MCF2L2: variants seen among roughly 807,000 people sequenced by gnomAD.
The protein encoded by MCF2L2 is MCF.2 cell line derived transforming sequence-like 2.
A neutral mutation model predicts 150.2 loss-of-function variants in MCF2L2; 102 were observed. The observed-to-expected ratio is 0.68, with a 90% CI of 0.58 to 0.80. The LOEUF (loss-of-function observed/expected upper bound fraction) is 0.80, where lower values mean the gene tolerates loss of function less well. Among genes scored for constraint, MCF2L2 ranks in the 30% least tolerant of loss-of-function variants. The pLI is 0.00. For synonymous variants in MCF2L2, 465 were observed against 491.3 expected (o/e 0.95, Z 0.71); for missense variants, 1,256 against 1,372.8 (o/e 0.91, Z 1.34).
chr3:183,278,193 A>AAAAT (rs1039066694), intron 14 of MCF2L2, among the ~76,000 whole-genome samples: 1 of 140,390 alleles, frequency 7.1e-6, no homozygotes, highest in African/African-American at 3.0e-5. Flanking sequence ...CAAAAGAAAA[A>AAAAT]ATATATATAT....
rs535849850 is a variant in MCF2L2, at chr3:183,324,595, C to T, written c.487-1244G>A. Among the ~76,000 whole-genome samples, 14 of 152,120 alleles carry T rather than the reference C, an allele frequency of 9.2e-5. No individual in the cohort carries two copies. The East Asian group carries it at 2.3e-3, about 25-fold the overall frequency. ...ATATAAATTAGAGACCAGCCAGGTA[C>T]GGTGGTTTGCACCTGTAATCCCAGC... On this transcript the variant is annotated intron_variant, in intron 5 of 29. Transcript: ENST00000328913.
intron 3 of MCF2L2, chr3:183,375,351 A>T (rs1713133493): frequency 6.6e-6 from 1 of 152,156 alleles, no homozygotes; most frequent in African/African-American, 2.4e-5. Context: ...TCTTTCCCAC[A>T]TAAGATCCAA....
intron 2 of MCF2L2, among the ~76,000 whole-genome samples, chr3:183,380,180 T>G (rs1713434042): frequency 6.6e-6 from 1 of 152,134 alleles, no homozygotes; most frequent in African/African-American, 2.4e-5. Flanking sequence ...CCAAATTCAA[T>G]AGATTCTATT....
At chr3:183,293,059 C>T (rs1212870489) in intron 13 of MCF2L2, among the ~76,000 whole-genome samples, 1 of 152,124 alleles carries the variant, frequency 6.6e-6, no homozygotes, top group East Asian at 1.9e-4. Context: ...ACTCCAATTA[C>T]AAGGCAGAGG....
intron 15 of MCF2L2, among the ~76,000 whole-genome samples, chr3:183,240,058 A>G (rs1266985001): frequency 6.6e-6 from 1 of 152,084 alleles, no homozygotes; most frequent in Non-Finnish European, 1.5e-5. Flanking sequence ...CAGGCTCCTT[A>G]TATCATCTCT....
chr3:183,356,069 G>C (rs1711757409), intron 3 of MCF2L2, among the ~76,000 whole-genome samples: 1 of 151,740 alleles, frequency 6.6e-6, no homozygotes, highest in Non-Finnish European at 1.5e-5. Flanking sequence ...TTGAAGCTAA[G>C]GAGGAGGAAG....
chr3:183,391,769 A>G (rs1183674967), intron 1 of MCF2L2, among the ~76,000 whole-genome samples: 1 of 152,250 alleles, frequency 6.6e-6, no homozygotes, highest in African/African-American at 2.4e-5. Context: ...AGAGAATTTC[A>G]GCAGAAACGG....
intron 5 of MCF2L2, among the ~76,000 whole-genome samples, chr3:183,335,274 G>A (rs1055652823): frequency 1.3e-5 from 2 of 151,994 alleles, no homozygotes. Flanking sequence ...TAAATATATT[G>A]TGTATGGATC....
chr3:183,267,081 C>T lies in MCF2L2; in HGVS notation c.1862+9791G>A, dbSNP rs182623029. On this transcript the variant is annotated intron_variant, in intron 15 of 29. Coordinates refer to ENST00000328913, the MANE Select transcript of MCF2L2 (RefSeq NM_015078.4). This position sits in a 1 kb window ranked among gnomAD's most constrained non-coding sequence, Gnocchi z 5.5. ...GATTACAGGCGTGAGCCACCATGGC[C>T]GGCCTTCAGCCTTTGTGATATTAAA... 3.4e-3 allele frequency among the ~76,000 whole-genome samples: 512 copies of T among 152,282 alleles called. 5 individuals carry two copies. Among genetic ancestry groups the T allele is most frequent in the African/African-American group, 0.011 (464 of 41,556 alleles).
chr3:183,244,824 C>G (rs975207583), intron 15 of MCF2L2, among the ~76,000 whole-genome samples: 2 of 151,918 alleles, frequency 1.3e-5, no homozygotes, highest in South Asian at 2.1e-4. Context: ...TTTTGCAAAG[C>G]AAGTACTGTT....
chr3:183,194,480 G>C (rs9815187), intron 26 of MCF2L2, among the ~76,000 whole-genome samples: 11,925 of 152,254 alleles, frequency 0.078, 1,557 homozygotes, highest in African/African-American at 0.27. Flanking sequence ...GAACTCAGCA[G>C]CCAGAGGGGA....
intron 3 of MCF2L2, among the ~76,000 whole-genome samples, chr3:183,343,370 GAT>G (rs1730774704): frequency 7.0e-6 from 1 of 143,104 alleles, no homozygotes; most frequent in Non-Finnish European, 1.5e-5. Context: ...ATGATAACTT[GAT>G]TTTTTTTTTT....
intron 15 of MCF2L2, among the ~76,000 whole-genome samples, chr3:183,234,909 C>T (rs1164100178): frequency 2.8e-5 from 3 of 107,968 alleles, no homozygotes; most frequent in African/African-American, 1.2e-4. Context: ...CATGTGATCT[C>T]ATTGTTCAAT....
intron 3 of MCF2L2, 135 bp from the exon 4 acceptor site, chr3:183,341,765 A>T: frequency 3.3e-6 from 2 of 614,124 alleles, no homozygotes. Context: ...AGCACAACCA[A>T]CTCCCTCTCC....
At chr3:183,353,427 C>T (rs995247950) in intron 3 of MCF2L2, among the ~76,000 whole-genome samples, 11 of 152,160 alleles carry the variant, frequency 7.2e-5, no homozygotes, top group African/African-American at 2.4e-4. Flanking sequence ...TCCCGCACTG[C>T]TATAAAAATA....
At chr3:183,336,864 A>AAT (rs34443126) in intron 5 of MCF2L2, among the ~76,000 whole-genome samples, 47 of 139,446 alleles carry the variant, frequency 3.4e-4, no homozygotes, top group African/African-American at 6.3e-4. Context: ...TCAAAAAAAA[A>AAT]ATATATATAT....
chr3:183,332,752 C>T (rs1041265992), intron 5 of MCF2L2, among the ~76,000 whole-genome samples: 2 of 152,138 alleles, frequency 1.3e-5, no homozygotes, highest in African/African-American at 2.4e-5. Flanking sequence ...TCTTCCCAAA[C>T]ATCAACAGTT....
intron 18 of MCF2L2, 57 bp downstream of exon 18, chr3:183,228,240 A>G (rs1560354393): frequency 2.2e-6 from 3 of 1,337,294 alleles, no homozygotes; most frequent in Non-Finnish European, 3.2e-6. Context: ...TTGCCACTTA[A>G]CGCAGAAATG....
intron 15 of MCF2L2, among the ~76,000 whole-genome samples, chr3:183,263,070 G>C (rs1178019530): frequency 6.6e-6 from 1 of 152,142 alleles, no homozygotes; most frequent in African/African-American, 2.4e-5. Context: ...TGAATATTTA[G>C]AAGTTGCAGC....
Sources: allele counts gnomAD v4.1 joint callset (sites outside exome capture counted in the v4.1 genomes callset), GRCh38; gene constraint gnomAD v4.1.1; non-coding constraint Gnocchi (gnomAD v3.1); transcripts MANE v1.5; gene names NCBI Gene and HGNC (gene_info 2026-07-23, HGNC 2026-07-21).